SYT12: variants seen among roughly 807,000 people sequenced by gnomAD.
SYT12 encodes synaptotagmin-12.
A neutral mutation model predicts 39.5 loss-of-function variants in SYT12; 27 were observed. That is an observed-to-expected ratio of 0.68 (90% CI 0.50 to 0.94). The LOEUF is 0.94. Ranked by LOEUF, SYT12 falls within the 40% of genes least tolerant of loss-of-function variation. The pLI is 0.00. For synonymous variants in SYT12, 233 were observed against 239.7 expected, an observed-to-expected ratio of 0.97 and a Z score of 0.26; for missense variants, 536 against 572.6, an observed-to-expected ratio of 0.94 and a Z score of 0.65.
In SYT12 at chr11:67,043,770, G is replaced by C; in HGVS notation, c.754G>C (p.Gly252Arg). 2 of 1,614,142 alleles carry C rather than the reference G, an allele frequency of 1.2e-6. No individual in the cohort carries two copies. ...TGAGGATGAGCGCAACGTCAGCACGGGGGTGGTGGAGCTGAAGCTTTCTGT... is the reference window on the plus strand; with the variant it reads ...TGAGGATGAGCGCAACGTCAGCACGCGGGTGGTGGAGCTGAAGCTTTCTGT... ...IDEDERNVSTGVVELKLSVLD... is the reference protein window; with the variant it reads ...IDEDERNVSTRVVELKLSVLD... Residue 252 changes from glycine to arginine, a missense_variant, in exon 5 of 8, where the codon GGG becomes CGG. Physicochemically the swap from Gly to Arg is moderately radical, Grantham distance 125. Coordinates refer to ENST00000527043, the MANE Select transcript of SYT12 (RefSeq NM_177963.4).
chr11:67,048,708 C>T lies in SYT12; in HGVS notation c.1217C>T (p.Ala406Val). Residue 406 changes from alanine to valine, a missense_variant, in exon 8 of 8, where the codon GCC becomes GTC. Ala to Val is a moderately conservative substitution (Grantham distance 64, BLOSUM62 0). Transcript: ENST00000527043. ...MGTTHWNQML[A>V]TLRRPVSMWH... ...ACCACACATTGGAACCAGATGTTGG[C>T]CACGCTGCGCAGGCCCGTGTCCATG... 3.7e-6 allele frequency: 6 copies of T among 1,611,108 alleles called. No homozygotes were observed. The highest frequency in any genetic ancestry group is 5.1e-6 in the Non-Finnish European group (6 of 1,177,746).
chr11:67,046,127 A>G (rs1854543691), intron 7 of SYT12, among the ~76,000 whole-genome samples: 1 of 151,948 alleles, frequency 6.6e-6, no homozygotes, highest in African/African-American at 2.4e-5. Flanking sequence ...TCCTCAGGTG[A>G]GGGGGGATTC....
In SYT12 at chr11:67,039,848, G is replaced by A. The variant is rs200281326; in HGVS notation, c.266G>A (p.Arg89Gln). 3.8e-5 allele frequency: 61 copies of A among 1,612,676 alleles called. No homozygotes were observed. Among genetic ancestry groups the A allele is most frequent in the South Asian group, 1.4e-4 (13 of 91,072 alleles). Residue 89 changes from arginine to glutamine, a missense_variant, in exon 4 of 8, where the codon CGG becomes CAG. Coordinates refer to ENST00000527043, the MANE Select transcript of SYT12 (RefSeq NM_177963.4). ...TGGAATGCCCAGCGGGCCAGCACGCGGGGACCACCCAGCCGCAAAGGCAGT... is the reference window on the plus strand; with the variant it reads ...TGGAATGCCCAGCGGGCCAGCACGCAGGGACCACCCAGCCGCAAAGGCAGT... Reference protein sequence around the residue: ...PAWNAQRASTRGPPSRKGSLS... With the variant: ...PAWNAQRASTQGPPSRKGSLS...
intron 3 of SYT12, among the ~76,000 whole-genome samples, chr11:67,013,193 A>G (rs1950026202): frequency 6.6e-6 from 1 of 152,244 alleles, no homozygotes; most frequent in Admixed American, 6.5e-5. Flanking sequence ...GGGACCACCC[A>G]TAACATAACT....
intron 4 of SYT12, 69 bp downstream of exon 4, chr11:67,040,272 C>T (rs1950484923): frequency 2.6e-6 from 4 of 1,516,806 alleles, no homozygotes; most frequent in South Asian, 1.3e-5. Flanking sequence ...GCAGGCATGG[C>T]GGTGGGGCCC....
At chr11:67,029,975 A>G in intron 1 of SYT12, 147 bp from the exon 2 acceptor site, 1 of 622,740 alleles carries the variant, frequency 1.6e-6, no homozygotes, top group Non-Finnish European at 2.8e-6. Context: ...TCATTTCTTA[A>G]AATGCCAAGC....
chr11:67,048,886 C>A lies in SYT12; in HGVS notation c.*129C>A. 9.4e-7 allele frequency: 1 copy of A among 1,068,274 alleles called. No homozygotes were observed. Among genetic ancestry groups the A allele is most frequent in the Non-Finnish European group, 1.3e-6 (1 of 751,934 alleles). 66.2% of individuals were successfully genotyped at this position (1,068,274 alleles called of 1,614,324 possible). On this transcript the variant is annotated 3_prime_UTR_variant, in exon 8 of 8. Transcript: ENST00000527043. ...GGTCCCCTGGCAGAGTCCTCATGAC[C>A]CATCCTGGTCTCTCTGTCCAGATTG...
chr11:67,040,844 A>C (rs1014354801), intron 4 of SYT12, among the ~76,000 whole-genome samples: 1 of 149,078 alleles, frequency 6.7e-6, no homozygotes, highest in Non-Finnish European at 1.5e-5. Context: ...TCTCAAAATA[A>C]ATAAATAAAT....
intron 2 of SYT12, 68 bp downstream of exon 2, chr11:67,030,246 G>A (rs1950240296): frequency 1.9e-6 from 3 of 1,543,968 alleles, no homozygotes; most frequent in Admixed American, 1.7e-5. Flanking sequence ...CTGGGTGGGA[G>A]GTGTCTGTGG....
chr11:67,019,733 A>G (rs1415340266), upstream of SYT12, among the ~76,000 whole-genome samples: 1 of 151,936 alleles, frequency 6.6e-6, no homozygotes, highest in East Asian at 1.9e-4. Flanking sequence ...CCCTGTCTCT[A>G]CAAAAATACA....
chr11:67,030,056 C>T (rs1950236160), intron 1 of SYT12, 66 bp from the exon 2 acceptor site: 5 of 1,523,764 alleles, frequency 3.3e-6, no homozygotes, highest in Non-Finnish European at 4.5e-6. Flanking sequence ...TGCCAGGAGG[C>T]CAGGACCTAG....
At position 67,044,712 on chromosome 11, in the gene SYT12, G is replaced by C. The variant is rs774096811; in HGVS notation, c.957G>C (p.Ala319=). The change falls in exon 6 of 8, where the codon GCG becomes GCC. Residue 319 remains alanine (A), a splice_region_variant and synonymous_variant. Coordinates refer to ENST00000527043, the MANE Select transcript of SYT12 (RefSeq NM_177963.4). Reference sequence around the variant, plus strand: ...TCTGGACCAACGACAAGACCACAGCGGGTAAGGCCCAGCCGGCAGCCCGGC... The same window carrying C: ...TCTGGACCAACGACAAGACCACAGCCGGTAAGGCCCAGCCGGCAGCCCGGC... ...NLIWTNDKTT[A]DPFVKVYLLQ... is the part of the protein sequence containing the mutation. 5 of 1,613,616 alleles carry C rather than the reference G, an allele frequency of 3.1e-6. No individual in the cohort carries two copies. Among genetic ancestry groups the C allele is most frequent in the Non-Finnish European group, 4.2e-6 (5 of 1,179,938 alleles).
intron 1 of SYT12, chr11:67,028,359 C>G (rs962302864): frequency 1.3e-5 from 2 of 152,158 alleles, no homozygotes; most frequent in African/African-American, 4.8e-5. Flanking sequence ...CTTCCATCAC[C>G]ATGACAACGC....
chr11:67,038,253 G>A (rs12805465), intron 3 of SYT12, among the ~76,000 whole-genome samples: 2 of 151,730 alleles, frequency 1.3e-5, no homozygotes, highest in East Asian at 1.9e-4. Context: ...TGCAACCTCC[G>A]CCTCCTGGAT....
chr11:67,035,512 C>T (rs1950343619), intron 3 of SYT12, among the ~76,000 whole-genome samples: 1 of 137,040 alleles, frequency 7.3e-6, no homozygotes, highest in Non-Finnish European at 1.5e-5. Context: ...GGCTGGAGTG[C>T]AGTGGGGCAA....
In SYT12 at chr11:67,048,610, T is replaced by C; in HGVS notation, c.1119T>C (p.Ala373=). The part of the protein sequence containing the change: ...LQDLSLRVTV[A]ESSSDGRGDN... ...ACCTGTCTCTCCGCGTGACGGTGGC[T>C]GAGAGCAGCAGCGACGGCCGTGGGG... is the stretch of plus-strand genomic sequence containing the variant. The change falls in exon 8 of 8, where the codon GCT becomes GCC. Residue 373 remains alanine (A), a synonymous_variant. Coordinates refer to ENST00000527043, the MANE Select transcript of SYT12 (RefSeq NM_177963.4). The C allele has an allele frequency of 6.2e-7, 1 of 1,604,766 alleles. No homozygotes were observed. Among genetic ancestry groups the C allele is most frequent in the Non-Finnish European group, 8.5e-7 (1 of 1,172,538 alleles).
At chr11:67,038,099 G>C (rs1005783975) in intron 3 of SYT12, among the ~76,000 whole-genome samples, 3 of 151,194 alleles carry the variant, frequency 2.0e-5, no homozygotes, top group East Asian at 1.9e-4. Context: ...TGGAATAAAA[G>C]GTTCTTGTTT....
intron 4 of SYT12, among the ~76,000 whole-genome samples, chr11:67,041,721 G>A (rs1950515954): frequency 6.6e-6 from 1 of 152,180 alleles, no homozygotes; most frequent in Non-Finnish European, 1.5e-5. Flanking sequence ...AAGGGACATG[G>A]TCATCCCGCA....
At chr11:67,008,197 G>T (rs528023416) in intron 1 of SYT12, among the ~76,000 whole-genome samples, 1 of 152,108 alleles carries the variant, frequency 6.6e-6, no homozygotes, top group African/African-American at 2.4e-5. Context: ...CACGTGATCC[G>T]CCTGCCTCAG....
Sources: gnomAD v4.1 joint callset for allele counts (sites outside exome capture counted in the v4.1 genomes callset) on GRCh38, gnomAD v4.1.1 for gene constraint, MANE v1.5 for transcripts, NCBI Gene and HGNC (gene_info 2026-07-23, HGNC 2026-07-21) for gene names.